RPS6KA3: variants seen among roughly 807,000 people sequenced by gnomAD.
The protein encoded by RPS6KA3 is ribosomal protein S6 kinase alpha-3.
A neutral mutation model predicts 67.2 loss-of-function variants in RPS6KA3; 4 were observed. The ratio of observed to expected loss-of-function variants is 0.06; its 90% CI spans 0.03 to 0.14. The LOEUF (loss-of-function observed/expected upper bound fraction) is 0.14, where lower values mean the gene tolerates loss of function less well. Ranked by LOEUF, RPS6KA3 falls within the 10% of genes least tolerant of loss-of-function variation. RPS6KA3 has a pLI of 1.00. For synonymous variants in RPS6KA3, 182 were observed against 183.7 expected (o/e 0.99, Z 0.07); for missense variants, 204 against 559.0 (o/e 0.36, Z 6.40).
intron 1 of RPS6KA3, among the ~76,000 whole-genome samples, chrX:20,247,561 T>G (rs1042299374): frequency 9.1e-6 from 1 of 110,049 alleles, no homozygotes; most frequent in African/African-American, 3.3e-5. Context: ...CTGAGGCGGG[T>G]GGATCACGAG....
At chrX:20,175,651 A>G (rs1298246239) in intron 13 of RPS6KA3, among the ~76,000 whole-genome samples, 1 of 112,067 alleles carries the variant, frequency 8.9e-6, no homozygotes, top group Non-Finnish European at 1.9e-5. Flanking sequence ...AGCTACATGC[A>G]GCTTTTCGAC....
intron 20 of RPS6KA3, among the ~76,000 whole-genome samples, chrX:20,159,031 CA>C (rs1214469711): frequency 8.9e-6 from 1 of 112,242 alleles, no homozygotes; most frequent in African/African-American, 3.2e-5. Flanking sequence ...TTGTATTCTA[CA>C]AATCAGTGAA....
intron 8 of RPS6KA3, 123 bp downstream of exon 8, chrX:20,188,374 C>G: frequency 2.2e-6 from 1 of 447,341 alleles, no homozygotes. Context: ...CTACGCCTGG[C>G]CCTAATACAA....
chrX:20,256,366 T>C (rs2070065903), intron 1 of RPS6KA3, among the ~76,000 whole-genome samples: 1 of 109,924 alleles, frequency 9.1e-6, no homozygotes, highest in Non-Finnish European at 1.9e-5. Context: ...TGAGGGAACA[T>C]CAAGTAGATT....
chrX:20,169,378 A>T, intron 16 of RPS6KA3, 24 bp downstream of exon 16: 1 of 905,191 alleles, frequency 1.1e-6, no homozygotes, highest in Non-Finnish European at 1.6e-6. Context: ...GATTCAAATG[A>T]TCCATATTAA....
chrX:20,206,834 G>A (rs1479290065), intron 3 of RPS6KA3, among the ~76,000 whole-genome samples: 1 of 111,356 alleles, frequency 9.0e-6, no homozygotes, highest in African/African-American at 3.3e-5. Context: ...CAGGCAGAAG[G>A]AATAAAATAT....
chrX:20,155,983 G>GT, intron 21 of RPS6KA3, 126 bp downstream of exon 21: 1 of 770,825 alleles, frequency 1.3e-6, no homozygotes, highest in Non-Finnish European at 2.0e-6. Flanking sequence ...GTCACCCACT[G>GT]TAAGAGAATC....
chrX:20,263,014 A>G (rs1288688110), intron 1 of RPS6KA3, among the ~76,000 whole-genome samples: 1 of 111,534 alleles, frequency 9.0e-6, no homozygotes, highest in Non-Finnish European at 1.9e-5. Flanking sequence ...TTTTTTAAAT[A>G]TTTTTCAGTG....
chrX:20,199,025 C>T (rs1603426916), intron 4 of RPS6KA3, among the ~76,000 whole-genome samples: 1 of 110,853 alleles, frequency 9.0e-6, no homozygotes, highest in Non-Finnish European at 1.9e-5. Context: ...GTGCCCGCCA[C>T]CACACCCAGC....
Position 20,234,834 on chromosome X carries a change from C to G in RPS6KA3, c.70-20G>C. ...TCCATTCTGTGAAAAGCACAGCAAG[C>G]AGGAAGTTACCAAAACAGACCTCAC... is the stretch of plus-strand genomic sequence containing the variant. On this transcript the variant is annotated intron_variant, in intron 1 of 21. Transcript: ENST00000379565. 1 of 1,157,227 alleles carries G rather than the reference C, an allele frequency of 8.6e-7. No homozygotes were observed. Among genetic ancestry groups the G allele is most frequent in the South Asian group, 1.8e-5 (1 of 55,564 alleles).
In RPS6KA3 at chrX:20,212,746, A is replaced by T. The variant is rs781119258; in HGVS notation, c.127-3342T>A. On this transcript the variant is annotated intron_variant, in intron 2 of 21. Transcript: ENST00000379565. ...AGAGCAAGACCCTGTCTCAAAAGAA[A>T]AAAAAAAGTAGTGTCTCCCTTTGGT... 3.6e-5 allele frequency among the ~76,000 whole-genome samples: 4 copies of T among 110,801 alleles called. No individual in the cohort carries two copies. In the East Asian group the frequency reaches 1.1e-3, roughly 31 times the overall value.
intron 1 of RPS6KA3, chrX:20,240,500 T>G: frequency 2.5e-6 from 1 of 394,029 alleles, no homozygotes; most frequent in Non-Finnish European, 3.2e-6. Flanking sequence ...GAATCTTCTA[T>G]GCAATCACAA....
At chrX:20,246,498 C>T (rs1287990682) in intron 1 of RPS6KA3, among the ~76,000 whole-genome samples, 1 of 111,245 alleles carries the variant, frequency 9.0e-6, no homozygotes, top group Non-Finnish European at 1.9e-5. Context: ...TAATATATTA[C>T]TTGGGTTGGC....
At chrX:20,159,221 A>G (rs1329415376) in intron 20 of RPS6KA3, among the ~76,000 whole-genome samples, 1 of 112,428 alleles carries the variant, frequency 8.9e-6, no homozygotes, top group East Asian at 2.8e-4. Context: ...ATCATTCATG[A>G]CCTGAAATAT....
chrX:20,197,968 A>G (rs1905619396), intron 4 of RPS6KA3, among the ~76,000 whole-genome samples: 1 of 112,021 alleles, frequency 8.9e-6, no homozygotes, highest in African/African-American at 3.2e-5. Flanking sequence ...TTATGTTCCT[A>G]GGACTATGCA....
At chrX:20,243,049 T>C (rs185585838) in intron 1 of RPS6KA3, among the ~76,000 whole-genome samples, 1 of 110,020 alleles carries the variant, frequency 9.1e-6, no homozygotes, top group African/African-American at 3.3e-5. Flanking sequence ...ACCAAACAGA[T>C]AAGTATAAAA....
chrX:20,194,315 T>A, intron 5 of RPS6KA3, 47 bp from the exon 6 acceptor site: 1 of 775,816 alleles, frequency 1.3e-6, no homozygotes, highest in South Asian at 2.2e-5. Flanking sequence ...ATAATTTTTT[T>A]AGGTTTACAT....
In RPS6KA3 at chrX:20,266,744, GGCGGCAGCGGCA is replaced by G. The variant is rs781064398; in HGVS notation, c.-124_-113del. ...CGGCAGCGGCGGCGGCGGCGGCGGC[GGCGGCAGCGGCA>G]GCGGCAGCGGCAGCAGCAGCAGCAG... On this transcript the variant is annotated 5_prime_UTR_variant, in exon 1 of 22. Transcript: ENST00000379565. The G allele has an allele frequency of 2.2e-4, 61 of 282,091 alleles. No individual in the cohort carries two copies. Among genetic ancestry groups the G allele is most frequent in the African/African-American group, 9.2e-4 (29 of 31,419 alleles). The allele number at this position is 282,091 out of a possible 1,213,427, so 23.2% of individuals were successfully genotyped here.
At position 20,154,148 on chromosome X, in the gene RPS6KA3, TG is replaced by T. The variant is rs773382138; in HGVS notation, c.*1249del. The T allele has an allele frequency of 1.8e-5, 2 of 112,108 alleles. No individual in the cohort carries two copies. Among genetic ancestry groups the T allele is most frequent in the South Asian group, 7.4e-4 (2 of 2,704 alleles). The allele number at this position is 112,108 out of a possible 1,213,427, so 9.2% of individuals were successfully genotyped here. The stretch of plus-strand genomic sequence containing the variant: ...GGCCATTATGAAAACTGATCATTCC[TG>T]AAGTCAAAGGAAGCAGTATGTGGCT... On this transcript the variant is annotated 3_prime_UTR_variant, in exon 22 of 22. Transcript: ENST00000379565.
Sources: allele counts gnomAD v4.1 joint callset (sites outside exome capture counted in the v4.1 genomes callset), GRCh38; gene constraint gnomAD v4.1.1; transcripts MANE v1.5; gene names NCBI Gene and HGNC (gene_info 2026-07-23, HGNC 2026-07-21).